SAMD5: variants seen among roughly 807,000 people sequenced by gnomAD.
The protein encoded by SAMD5 is sterile alpha motif domain-containing protein 5.
Under a neutral mutation model 11.3 loss-of-function variants are expected in SAMD5, and 13 were observed. The ratio of observed to expected loss-of-function variants is 1.15; its 90% CI spans 0.75 to 1.83. SAMD5 has a LOEUF of 1.83. Ranked by LOEUF, SAMD5 falls within the 40% of genes most tolerant of loss-of-function variation. The probability of loss-of-function intolerance (pLI) is 0.00; values close to 1 mark genes in which losing one functional copy is unlikely to be tolerated. For missense variants in SAMD5, 255 were observed against 239.1 expected (o/e 1.07, Z -0.44); for synonymous variants, 129 against 111.3 (o/e 1.16, Z -1.00).
At chr6:147,653,103 T>G (rs910495527) in intron 1 of SAMD5, among the ~76,000 whole-genome samples, 3 of 152,196 alleles carry the variant, frequency 2.0e-5, no homozygotes, top group African/African-American at 7.2e-5. Flanking sequence ...TATATTGATT[T>G]GGAATTAAAA....
At chr6:147,784,651 G>T in the SAMD5 span, among the ~76,000 whole-genome samples, 3 of 152,142 alleles carry the variant, frequency 2.0e-5, no homozygotes, top group African/African-American at 2.4e-5. Flanking sequence ...CAATACAAAT[G>T]GTGCTGTCTA....
At chr6:147,645,736 A>T (rs1179881267) in intron 1 of SAMD5, among the ~76,000 whole-genome samples, 2 of 152,198 alleles carry the variant, frequency 1.3e-5, no homozygotes, top group Admixed American at 6.5e-5. Flanking sequence ...CCTCAGTGTC[A>T]TATGAGTTGA....
At chr6:147,787,007 G>T in the SAMD5 span, among the ~76,000 whole-genome samples, 1 of 152,124 alleles carries the variant, frequency 6.6e-6, no homozygotes, top group Non-Finnish European at 1.5e-5. Context: ...TGCATTGGAG[G>T]AGAAAAATAA....
the SAMD5 span, among the ~76,000 whole-genome samples, chr6:147,766,209 A>G: frequency 1.3e-5 from 2 of 152,100 alleles, no homozygotes; most frequent in Admixed American, 6.5e-5. Context: ...TATAAGATCA[A>G]TATAAGAAGT....
chr6:147,917,140 C>G, the SAMD5 span, among the ~76,000 whole-genome samples: 1 of 82,476 alleles, frequency 1.2e-5, no homozygotes, highest in Non-Finnish European at 2.2e-5. Context: ...ACACTGTCTT[C>G]CACAATGGTT....
the SAMD5 span, among the ~76,000 whole-genome samples, chr6:147,767,487 C>T: frequency 2.0e-5 from 3 of 149,764 alleles, no homozygotes; most frequent in Non-Finnish European, 2.9e-5. Flanking sequence ...TATGTTGAAG[C>T]CCTTAATCCC....
chr6:147,906,490 A>G, the SAMD5 span, among the ~76,000 whole-genome samples: 8 of 152,364 alleles, frequency 5.3e-5, no homozygotes, highest in South Asian at 6.2e-4. Context: ...TCAAGGAAGA[A>G]GAGGGCCAAG....
chr6:147,584,215 C>T (rs776610734), intron 1 of SAMD5, among the ~76,000 whole-genome samples: 29 of 151,954 alleles, frequency 1.9e-4, no homozygotes, highest in Non-Finnish European at 3.5e-4. Flanking sequence ...TTAATATAAC[C>T]CACTAAACAA....
chr6:147,814,762 A>T, the SAMD5 span, among the ~76,000 whole-genome samples: 9 of 152,232 alleles, frequency 5.9e-5, no homozygotes, highest in African/African-American at 1.9e-4. Flanking sequence ...TACCTTTGCC[A>T]TGCAAATTTC....
chr6:147,573,087 C>T (rs1357136993), downstream of SAMD5, among the ~76,000 whole-genome samples: 1 of 152,196 alleles, frequency 6.6e-6, no homozygotes, highest in Non-Finnish European at 1.5e-5. Context: ...GTCTTGTTTT[C>T]CTTTTCTTCC....
At chr6:147,554,690 T>C (rs1047520262) in intron 1 of SAMD5, among the ~76,000 whole-genome samples, 11 of 152,184 alleles carry the variant, frequency 7.2e-5, no homozygotes, top group African/African-American at 2.7e-4. Context: ...TCCCAGTTCC[T>C]TGGACTGAGC....
At chr6:147,550,755 G>A (rs1459468707) in intron 1 of SAMD5, among the ~76,000 whole-genome samples, 2 of 152,134 alleles carry the variant, frequency 1.3e-5, no homozygotes, top group African/African-American at 4.8e-5. Flanking sequence ...ACTCAGAAGG[G>A]TGTGAGGTGG....
At chr6:147,795,740 T>A in the SAMD5 span, among the ~76,000 whole-genome samples, 3 of 149,150 alleles carry the variant, frequency 2.0e-5, no homozygotes, top group East Asian at 6.0e-4. Context: ...GTTTCCTGAC[T>A]TTTTAATGAT....
chr6:147,548,914 A>T (rs1788725846), intron 1 of SAMD5, among the ~76,000 whole-genome samples: 1 of 151,762 alleles, frequency 6.6e-6, no homozygotes, highest in African/African-American at 2.4e-5. Flanking sequence ...AACCCTTTGA[A>T]CTCTGACATG....
At chr6:147,794,887 A>G in the SAMD5 span, among the ~76,000 whole-genome samples, 3 of 151,560 alleles carry the variant, frequency 2.0e-5, no homozygotes, top group Non-Finnish European at 3.0e-5. Flanking sequence ...ACGGCGGTGA[A>G]GAGGGAAGAT....
intron 1 of SAMD5, among the ~76,000 whole-genome samples, chr6:147,634,969 G>T (rs972654424): frequency 6.6e-6 from 1 of 152,100 alleles, no homozygotes; most frequent in African/African-American, 2.4e-5. Flanking sequence ...GAAGAAGAAG[G>T]CTCATAGATA....
At chr6:147,687,999 G>C (rs1288219151) in intron 1 of SAMD5, among the ~76,000 whole-genome samples, 3 of 152,022 alleles carry the variant, frequency 2.0e-5, no homozygotes, top group Non-Finnish European at 4.4e-5. Flanking sequence ...TATTGTATAT[G>C]TTTCTTCTGG....
the SAMD5 span, among the ~76,000 whole-genome samples, chr6:147,744,616 G>A: frequency 6.6e-6 from 1 of 152,206 alleles, no homozygotes; most frequent in Non-Finnish European, 1.5e-5. Flanking sequence ...AAGAAACCCA[G>A]GCTGGGCGCG....
At chr6:147,539,571 A>G (rs1046784757) in intron 1 of SAMD5, among the ~76,000 whole-genome samples, 2 of 152,116 alleles carry the variant, frequency 1.3e-5, no homozygotes, top group African/African-American at 4.8e-5. Flanking sequence ...CTGGGGTTTC[A>G]TGAGGAAAAC....
Sources: gnomAD v4.1 joint callset for allele counts (sites outside exome capture counted in the v4.1 genomes callset) on GRCh38, gnomAD v4.1.1 for gene constraint, MANE v1.5 for transcripts, NCBI Gene and HGNC (gene_info 2026-07-23, HGNC 2026-07-21) for gene names.